The following WNT7A variants were observed in gnomAD, a reference collection of about 807,000 sequenced individuals.
The protein encoded by WNT7A is protein Wnt-7a.
WNT7A carries 16 observed loss-of-function variants against 28.2 expected under a neutral mutation model. The ratio of observed to expected loss-of-function variants is 0.57; its 90% CI spans 0.38 to 0.86. The LOEUF (loss-of-function observed/expected upper bound fraction) is 0.86, where lower values mean the gene tolerates loss of function less well. Ranked by LOEUF, WNT7A falls within the 40% of genes least tolerant of loss-of-function variation. WNT7A has a pLI of 0.00. For missense variants in WNT7A, 411 were observed against 489.7 expected, an observed-to-expected ratio of 0.84 and a Z score of 1.52; for synonymous variants, 190 against 195.9, an observed-to-expected ratio of 0.97 and a Z score of 0.25.
intron 3 of WNT7A, among the ~76,000 whole-genome samples, chr3:13,841,674 G>T (rs1240189661): frequency 6.6e-6 from 1 of 152,232 alleles, no homozygotes; most frequent in African/African-American, 2.4e-5. Flanking sequence ...AGGGGAAAAG[G>T]TGGGAGGGAA....
intron 1 of WNT7A, among the ~76,000 whole-genome samples, chr3:13,877,568 C>T (rs981618308): frequency 6.6e-6 from 1 of 152,306 alleles, no homozygotes; most frequent in East Asian, 1.9e-4. Flanking sequence ...TAGACTAGCC[C>T]CTAAGGGTCT....
intron 1 of WNT7A, among the ~76,000 whole-genome samples, chr3:13,878,109 C>T (rs1695136889): frequency 6.6e-6 from 1 of 152,190 alleles, no homozygotes; most frequent in African/African-American, 2.4e-5. Flanking sequence ...AAGCCAGCGC[C>T]CTGCAGGACT....
intron 2 of WNT7A, among the ~76,000 whole-genome samples, chr3:13,871,779 T>C (rs913221287): frequency 5.3e-5 from 8 of 152,122 alleles, no homozygotes; most frequent in Non-Finnish European, 1.2e-4. Context: ...TTCATGCTTT[T>C]GCCAGCAGCC....
chr3:13,827,423 G>C (rs916985945), intron 3 of WNT7A, among the ~76,000 whole-genome samples: 1 of 152,132 alleles, frequency 6.6e-6, no homozygotes, highest in Non-Finnish European at 1.5e-5. Flanking sequence ...CTTTTTGACA[G>C]GTCCCCCAGG....
At position 13,856,949 on chromosome 3, in the gene WNT7A, A is replaced by T. The variant is rs1423110829; in HGVS notation, c.299-2146T>A. ...AAGAAGAAGAAGAAGAAGAAGAAGA[A>T]GAAGAAGAAGAAGAAGAAGGAGAAG... On this transcript the variant is annotated intron_variant, in intron 2 of 3. Coordinates refer to ENST00000285018, the MANE Select transcript of WNT7A (RefSeq NM_004625.4). Among the ~76,000 whole-genome samples the T allele has an allele frequency of 1.4e-3, 175 of 123,220 alleles. 3 individuals carry two copies. Among genetic ancestry groups the T allele is most frequent in the Non-Finnish European group, 2.4e-3 (153 of 63,514 alleles). The allele number at this position is 123,220 out of a possible 152,430, so 80.8% of individuals were successfully genotyped here. A position where few individuals can be genotyped will look rare whatever the true frequency, so the allele number is the denominator to read the frequency against.
intron 2 of WNT7A, among the ~76,000 whole-genome samples, chr3:13,856,259 C>A (rs532141466): frequency 6.6e-6 from 1 of 152,226 alleles, no homozygotes; most frequent in African/African-American, 2.4e-5. Flanking sequence ...GGGACTTGGG[C>A]GAGCTCCTTC....
At chr3:13,826,126 C>G (rs1694190679) in intron 3 of WNT7A, among the ~76,000 whole-genome samples, 1 of 152,190 alleles carries the variant, frequency 6.6e-6, no homozygotes, top group Non-Finnish European at 1.5e-5. Context: ...TGGCGTCACC[C>G]CTGCTGGGGA....
In WNT7A at chr3:13,854,554, T is replaced by C; in HGVS notation, c.548A>G (p.His183Arg). The C allele has an allele frequency of 1.2e-6, 2 of 1,614,154 alleles. No homozygotes were observed. Among genetic ancestry groups the C allele is most frequent in the Non-Finnish European group, 1.7e-6 (2 of 1,180,042 alleles). Residue 183 changes from histidine (H) to arginine (R), a missense_variant, in exon 3 of 4, where the codon CAC becomes CGC. His to Arg is a conservative substitution (Grantham distance 29). Coordinates refer to ENST00000285018, the MANE Select transcript of WNT7A (RefSeq NM_004625.4). The stretch of plus-strand genomic sequence containing the variant: ...TACCTTTCGGCCTGCCTCGTTGTTG[T>C]GCAAGTTCATGAGAGTCCGGGCATT... ...KQNARTLMNL[H>R]NNEAGRKILE...
At chr3:13,833,948 C>G (rs1197787604) in intron 3 of WNT7A, among the ~76,000 whole-genome samples, 1 of 152,184 alleles carries the variant, frequency 6.6e-6, no homozygotes, top group Non-Finnish European at 1.5e-5. Flanking sequence ...AAGAGGCAAG[C>G]CCCTGACTCC....
chr3:13,837,886 C>A (rs150152373), intron 3 of WNT7A, among the ~76,000 whole-genome samples: 121 of 152,304 alleles, frequency 7.9e-4, no homozygotes, highest in African/African-American at 2.8e-3. Flanking sequence ...ACATGAGGAG[C>A]AGCTCTGGCC....
At chr3:13,861,379 C>T (rs1694829106) in intron 2 of WNT7A, among the ~76,000 whole-genome samples, 2 of 152,248 alleles carry the variant, frequency 1.3e-5, no homozygotes, top group Admixed American at 6.5e-5. Context: ...CTTCACTCAT[C>T]AGATATTTCT....
intron 2 of WNT7A, among the ~76,000 whole-genome samples, chr3:13,871,176 G>C (rs1476734350): frequency 3.9e-5 from 6 of 152,164 alleles, no homozygotes; most frequent in Non-Finnish European, 7.3e-5. Flanking sequence ...GCTTTGGAAA[G>C]TTTCTCTTTA....
At chr3:13,832,840 C>A (rs993524703) in intron 3 of WNT7A, among the ~76,000 whole-genome samples, 1 of 152,096 alleles carries the variant, frequency 6.6e-6, no homozygotes, top group African/African-American at 2.4e-5. Flanking sequence ...GGTTTCCACT[C>A]AAGCCAGAGA....
chr3:13,862,464 G>T (rs890958720), intron 2 of WNT7A, among the ~76,000 whole-genome samples: 1 of 152,226 alleles, frequency 6.6e-6, no homozygotes, highest in Non-Finnish European at 1.5e-5. Flanking sequence ...AAGCCAATGG[G>T]TCAGAGAGCA....
At chr3:13,854,036 T>A (rs911797346) in intron 3 of WNT7A, among the ~76,000 whole-genome samples, 1 of 151,930 alleles carries the variant, frequency 6.6e-6, no homozygotes, top group Non-Finnish European at 1.5e-5. Context: ...GCCTGGTAAT[T>A]TCCCCCAGGA....
At chr3:13,842,973 C>T (rs1311936078) in intron 3 of WNT7A, among the ~76,000 whole-genome samples, 2 of 152,144 alleles carry the variant, frequency 1.3e-5, no homozygotes, top group East Asian at 3.9e-4. Context: ...CTGGAAGTGG[C>T]TGCTCACAAG....
At chr3:13,849,171 T>A (rs1175063761) in intron 3 of WNT7A, among the ~76,000 whole-genome samples, 2 of 152,160 alleles carry the variant, frequency 1.3e-5, no homozygotes, top group African/African-American at 2.4e-5. Flanking sequence ...AGCATCAGCA[T>A]CCTAGTTGTG....
intron 2 of WNT7A, among the ~76,000 whole-genome samples, chr3:13,856,134 AG>A (rs36012058): frequency 6.7e-6 from 1 of 149,422 alleles, no homozygotes; most frequent in African/African-American, 2.4e-5. Flanking sequence ...TCCCCATGCC[AG>A]GGCTGTCTTT....
chr3:13,819,568 A>G, intron 3 of WNT7A, 145 bp from the exon 4 acceptor site: 1 of 1,196,204 alleles, frequency 8.4e-7, no homozygotes, highest in South Asian at 1.6e-5. Flanking sequence ...GGAAACTCAG[A>G]CCTGGATTCT....
Sources: gnomAD v4.1 joint callset for allele counts (sites outside exome capture counted in the v4.1 genomes callset) on GRCh38, gnomAD v4.1.1 for gene constraint, MANE v1.5 for transcripts, NCBI Gene and HGNC (gene_info 2026-07-23, HGNC 2026-07-21) for gene names.